The following FIRRM variants were observed in gnomAD, a reference collection of about 807,000 sequenced individuals.
FIRRM encodes FIGNL1-interacting regulator of recombination and mitosis.
At chr1:169,841,560 CAGAG>C in the FIRRM span, among the ~76,000 whole-genome samples, 1 of 152,246 alleles carries the variant, frequency 6.6e-6, no homozygotes, top group East Asian at 1.9e-4. Context: ...CATTTCTGGC[CAGAG>C]AGAGAATTGA....
the FIRRM span, among the ~76,000 whole-genome samples, chr1:169,818,818 C>T: frequency 6.6e-6 from 1 of 152,154 alleles, no homozygotes; most frequent in Admixed American, 6.5e-5. Context: ...TCCCAAGTAG[C>T]TGGGATTACA....
chr1:169,799,666 C>T, the FIRRM span, among the ~76,000 whole-genome samples: 1 of 152,170 alleles, frequency 6.6e-6, no homozygotes, highest in Non-Finnish European at 1.5e-5. Context: ...ATTCTCCTGC[C>T]TCAGTCTCCC....
At chr1:169,843,882 T>C in the FIRRM span, 1 of 649,842 alleles carries the variant, frequency 1.5e-6, no homozygotes, top group South Asian at 1.8e-5. Flanking sequence ...TGTTGTGTCA[T>C]ATATTGACTT....
the FIRRM span, among the ~76,000 whole-genome samples, chr1:169,799,977 A>G: frequency 6.6e-6 from 1 of 152,248 alleles, no homozygotes; most frequent in East Asian, 1.9e-4. Context: ...TCCTGCCTCC[A>G]TCTTCTAAAG....
the FIRRM span, chr1:169,851,555 G>C: frequency 2.2e-6 from 1 of 447,724 alleles, no homozygotes; most frequent in East Asian, 4.0e-5. Flanking sequence ...GCTGTTGCCA[G>C]TTTCTTAGCT....
chr1:169,821,754 G>A, the FIRRM span: 29 of 1,595,082 alleles, frequency 1.8e-5, 2 homozygotes, highest in Admixed American at 1.7e-5. Context: ...TTTGCACTAC[G>A]CTAAGGTAAG....
the FIRRM span, among the ~76,000 whole-genome samples, chr1:169,787,854 C>T: frequency 6.6e-6 from 1 of 150,744 alleles, no homozygotes; most frequent in Non-Finnish European, 1.5e-5. Flanking sequence ...ATGTATGTTA[C>T]ATGTGATGTA....
At chr1:169,819,069 G>C in the FIRRM span, among the ~76,000 whole-genome samples, 2 of 152,188 alleles carry the variant, frequency 1.3e-5, no homozygotes, top group Non-Finnish European at 2.9e-5. Flanking sequence ...GGTTTCTACA[G>C]CCTAATAAGC....
the FIRRM span, among the ~76,000 whole-genome samples, chr1:169,839,143 G>A: frequency 2.6e-5 from 4 of 152,196 alleles, no homozygotes; most frequent in African/African-American, 9.6e-5. Flanking sequence ...CTATTCCATG[G>A]TATATATGTA....
At chr1:169,837,207 C>A in the FIRRM span, 1 of 898,452 alleles carries the variant, frequency 1.1e-6, no homozygotes, top group Non-Finnish European at 1.6e-6. Context: ...AAGATGCACA[C>A]ACTCTCTGTT....
At chr1:169,817,060 A>G in the FIRRM span, among the ~76,000 whole-genome samples, 1 of 152,194 alleles carries the variant, frequency 6.6e-6, no homozygotes, top group Admixed American at 6.5e-5. Flanking sequence ...CAACAGCTCA[A>G]AAGAAGTTTT....
the FIRRM span, among the ~76,000 whole-genome samples, chr1:169,804,663 A>G: frequency 6.6e-6 from 1 of 152,102 alleles, no homozygotes; most frequent in East Asian, 1.9e-4. Flanking sequence ...CATGTGATGC[A>G]CTTTATACTA....
chr1:169,828,995 C>CT, the FIRRM span, among the ~76,000 whole-genome samples: 2 of 152,130 alleles, frequency 1.3e-5, no homozygotes, highest in African/African-American at 4.8e-5. Context: ...CCTTGAGGAA[C>CT]TTTGACTTTG....
chr1:169,807,892 T>G, the FIRRM span: 193 of 1,609,458 alleles, frequency 1.2e-4, no homozygotes, highest in Non-Finnish European at 1.6e-4. Flanking sequence ...CATTCTTGTT[T>G]ACAGTTAGCT....
chr1:169,808,689 C>T, the FIRRM span, among the ~76,000 whole-genome samples: 1 of 151,218 alleles, frequency 6.6e-6, no homozygotes. Context: ...ACTGCAGCCT[C>T]TGCCTCACGG....
At chr1:169,817,412 T>C in the FIRRM span, among the ~76,000 whole-genome samples, 497 of 152,362 alleles carry the variant, frequency 3.3e-3, 1 homozygote, top group Non-Finnish European at 5.7e-3. Flanking sequence ...CTGGGGATTT[T>C]GGTTACTTCT....
At chr1:169,847,701 G>A in the FIRRM span, 3 of 1,612,766 alleles carry the variant, frequency 1.9e-6, no homozygotes, top group East Asian at 6.7e-5. Flanking sequence ...CAGTAACTTT[G>A]CAGACCTCGC....
At chr1:169,810,032 G>A in the FIRRM span, among the ~76,000 whole-genome samples, 14 of 152,062 alleles carry the variant, frequency 9.2e-5, no homozygotes, top group Non-Finnish European at 1.5e-4. Flanking sequence ...AGGGTGTGCC[G>A]TCTGCTTCAA....
the FIRRM span, among the ~76,000 whole-genome samples, chr1:169,840,921 G>T: frequency 6.6e-6 from 1 of 152,042 alleles, no homozygotes; most frequent in African/African-American, 2.4e-5. Context: ...TCTTCTTTTC[G>T]TACTTGTGTG....
Sources: allele counts gnomAD v4.1 joint callset (sites outside exome capture counted in the v4.1 genomes callset), GRCh38; gene constraint gnomAD v4.1.1; transcripts MANE v1.5; gene names NCBI Gene and HGNC (gene_info 2026-07-23, HGNC 2026-07-21).